The following ATP5F1D variants were observed in gnomAD, a reference collection of about 807,000 sequenced individuals.
ATP5F1D encodes ATP synthase F1 subunit delta, also known as ATP synthase F(1) complex subunit delta, mitochondrial.
Under a neutral mutation model 13.0 loss-of-function variants are expected in ATP5F1D, and 16 were observed. The ratio of observed to expected loss-of-function variants is 1.23; its 90% confidence interval spans 0.83 to 1.87. The LOEUF is 1.87. Among genes scored for constraint, ATP5F1D ranks in the 40% most tolerant of loss-of-function variants. ATP5F1D has a pLI of 0.00. For missense variants in ATP5F1D, 294 were observed against 246.2 expected (o/e 1.19, Z -1.30); for synonymous variants, 129 against 116.2 (o/e 1.11, Z -0.71).
At chr19:1,242,318 T>C in intron 1 of ATP5F1D, 138 bp from the exon 2 acceptor site, 2 of 1,107,668 alleles carry the variant, frequency 1.8e-6, no homozygotes, top group Non-Finnish European at 2.4e-6. Flanking sequence ...CAACTTCGGA[T>C]CCCTGCGCTG....
intron 2 of ATP5F1D, 65 bp downstream of exon 2, chr19:1,242,674 G>A (rs983488265): frequency 1.4e-6 from 2 of 1,405,904 alleles, no homozygotes; most frequent in African/African-American, 3.0e-5. Flanking sequence ...GTCAGTCTCC[G>A]TCTCAGTTGA....
At chr19:1,244,075 TC>T in intron 2 of ATP5F1D, 21 bp from the exon 3 acceptor site, 2 of 1,598,026 alleles carry the variant, frequency 1.3e-6, no homozygotes, top group Non-Finnish European at 8.5e-7. Context: ...TCTCACGCCT[TC>T]CCCCCGCCCC....
intron 1 of ATP5F1D, 193 bp downstream of exon 1, chr19:1,242,184 C>G: frequency 2.4e-6 from 2 of 847,790 alleles, no homozygotes; most frequent in East Asian, 6.7e-5. Context: ...GGCACCTCCC[C>G]GAGATAAGCG....
At position 1,244,176 on chromosome 19, in the gene ATP5F1D, G is replaced by T; in HGVS notation, c.375G>T (p.Leu125Phe). The change falls in exon 3 of 4, where the codon TTG becomes TTT. Residue 125 changes from leucine (L) to phenylalanine (F), a missense_variant. Physicochemically the swap from Leu to Phe is conservative, Grantham distance 22 (BLOSUM62 0). Transcript: ENST00000215375. ...LAEEAVTLDM[L>F]DLGAAKANLE... ...AAGAGGCCGTGACGCTGGACATGTT[G>T]GACCTGGGGGTGAGTGTCAGAGGGG... 1 of 1,611,428 alleles carries T rather than the reference G, an allele frequency of 6.2e-7. No individual in the cohort carries two copies. The highest frequency in any genetic ancestry group is 2.2e-5 in the East Asian group (1 of 44,780).
chr19:1,244,554 A>T lies in ATP5F1D; in HGVS notation c.*117A>T, dbSNP rs1379952422. ...GGAAGCCGCGCCTGCCAAGGAGGCC[A>T]CCAGAGGGCAGTGCAGGCTTCTGCC... On this transcript the variant is annotated 3_prime_UTR_variant, in exon 4 of 4. Coordinates refer to ENST00000215375, the MANE Select transcript of ATP5F1D (RefSeq NM_001687.5). 2.8e-6 allele frequency: 4 copies of T among 1,439,512 alleles called. No individual in the cohort carries two copies. In the Admixed American group the frequency reaches 9.5e-5, roughly 34 times the overall value. 89.2% of individuals were successfully genotyped at this position (1,439,512 alleles called of 1,614,324 possible).
chr19:1,243,676 C>T (rs1300888360), intron 2 of ATP5F1D, among the ~76,000 whole-genome samples: 1 of 152,146 alleles, frequency 6.6e-6, no homozygotes, highest in East Asian at 1.9e-4. Context: ...CCTCAAAAAA[C>T]CATGTTGGGA....
In ATP5F1D at chr19:1,244,611, C is replaced by T. The variant is rs1063633; in HGVS notation, c.*174C>T. 9.6e-7 allele frequency: 1 copy of T among 1,044,562 alleles called. No individual in the cohort carries two copies. Among genetic ancestry groups the T allele is most frequent in the Non-Finnish European group, 1.4e-6 (1 of 734,884 alleles). 64.7% of individuals were successfully genotyped at this position (1,044,562 alleles called of 1,614,324 possible). A position where few individuals can be genotyped will look rare whatever the true frequency, so the allele number is the denominator to read the frequency against. On this transcript the variant is annotated 3_prime_UTR_variant, in exon 4 of 4. Coordinates refer to ENST00000215375, the MANE Select transcript of ATP5F1D (RefSeq NM_001687.5). ...CCAGGCCCTGCCTGTGTTGAAAGCT[C>T]TGGGGACTGGGCCAGGGAAGCTCCT...
chr19:1,242,236 G>A, intron 1 of ATP5F1D: 3 of 761,024 alleles, frequency 3.9e-6, no homozygotes, highest in Non-Finnish European at 5.6e-6. Context: ...CAAAGCCTGG[G>A]TGTCGCCGGA....
intron 2 of ATP5F1D, chr19:1,243,327 TGGCAACATA>T (rs2081047024): frequency 6.6e-6 from 1 of 151,906 alleles, no homozygotes; most frequent in Non-Finnish European, 1.5e-5. Flanking sequence ...AGACTAGCCT[TGGCAACATA>T]GTGAGACCCT....
rs12608755 is a variant in ATP5F1D, at chr19:1,242,575, G to C, written c.261G>C (p.Val87=). 7.3e-4 allele frequency: 1,127 copies of C among 1,542,418 alleles called. 13 individuals are homozygous for C. In the East Asian group the frequency reaches 0.019, roughly 26 times the overall value. ...TCCTGCGGCCGGGGCTGGTCGTGGT[G>C]CATGCAGAGGACGGCACCACCTCCA... ...LQVLRPGLVV[V]HAEDGTTSKY... The change falls in exon 2 of 4, where the codon GTG becomes GTC. Residue 87 remains valine (V), a synonymous_variant. Transcript: ENST00000215375.
At chr19:1,244,290 C>A in intron 3 of ATP5F1D, 25 bp from the exon 4 acceptor site, 1 of 1,584,388 alleles carries the variant, frequency 6.3e-7, no homozygotes, top group Non-Finnish European at 8.6e-7. Flanking sequence ...CTGCTGGCCC[C>A]TCACCGCCCC....
At position 1,241,896 on chromosome 19, in the gene ATP5F1D, G is replaced by A; in HGVS notation, c.46G>A (p.Val16Ile). The A allele has an allele frequency of 2.1e-6, 3 of 1,457,584 alleles. No individual in the cohort carries two copies. Among genetic ancestry groups the A allele is most frequent in the Non-Finnish European group, 1.8e-6 (2 of 1,107,682 alleles). 90.3% of individuals were successfully genotyped at this position (1,457,584 alleles called of 1,614,324 possible). The change falls in exon 1 of 4, where the codon GTC (valine) becomes ATC (isoleucine). Residue 16 changes from valine (V) to isoleucine (I), a missense_variant. Physicochemically the swap from Val to Ile is conservative, Grantham distance 29 (BLOSUM62 3). Coordinates refer to ENST00000215375, the MANE Select transcript of ATP5F1D (RefSeq NM_001687.5). ...CCGCCGCCCGGGACTTGGCCGCCTC[G>A]TCCGCCACGCCCGTGCCTATGCCGA... ...LLRRPGLGRL[V>I]RHARAYAEAA...
chr19:1,244,661 AC>A lies in ATP5F1D; in HGVS notation c.*227del. ...TCCTCAGCTTTGAGCTGTGGCTGCCACCCATGGGGCTCTCCTTCCGCCTCTC... is the reference window on the plus strand; with the variant it reads ...TCCTCAGCTTTGAGCTGTGGCTGCCACCATGGGGCTCTCCTTCCGCCTCTC... On this transcript the variant is annotated 3_prime_UTR_variant, in exon 4 of 4. Transcript: ENST00000215375. The A allele has an allele frequency of 1.5e-6, 1 of 648,340 alleles. No homozygotes were observed. The highest frequency in any genetic ancestry group is 2.5e-6 in the Non-Finnish European group (1 of 395,746). The allele number at this position is 648,340 out of a possible 1,614,324, so 40.2% of individuals were successfully genotyped here. A position where few individuals can be genotyped will look rare whatever the true frequency, so the allele number is the denominator to read the frequency against.
chr19:1,243,865 G>C lies in ATP5F1D; in HGVS notation c.296-232G>C, dbSNP rs562268664. On this transcript the variant is annotated intron_variant, in intron 2 of 3. Transcript: ENST00000215375. ...CTGTCCCCAGGCAGTGCTTTTGGGGGTTCCTCCAGCTTCTAGTCCTTTCTT... is the reference window on the plus strand; with the variant it reads ...CTGTCCCCAGGCAGTGCTTTTGGGGCTTCCTCCAGCTTCTAGTCCTTTCTT... Among the ~76,000 whole-genome samples, 25 of 152,334 alleles carry C rather than the reference G, an allele frequency of 1.6e-4. No individual in the cohort carries two copies. In the South Asian group the frequency reaches 4.8e-3, roughly 29 times the overall value.
In ATP5F1D at chr19:1,242,564, C is replaced by G. The variant is rs774424997; in HGVS notation, c.250C>G (p.Leu84Val). The G allele has an allele frequency of 1.3e-5, 20 of 1,545,440 alleles. No individual in the cohort carries two copies. Among genetic ancestry groups the G allele is most frequent in the Non-Finnish European group, 1.2e-5 (14 of 1,143,966 alleles). Residue 84 changes from leucine (L) to valine (V), a missense_variant, in exon 2 of 4, where the codon CTG (leucine) becomes GTG (valine). Transcript: ENST00000215375. ...CACGCTGCAGGTCCTGCGGCCGGGG[C>G]TGGTCGTGGTGCATGCAGAGGACGG... ...VPTLQVLRPG[L>V]VVVHAEDGTT...
In ATP5F1D at chr19:1,242,512, C is replaced by T; in HGVS notation, c.198C>T (p.Ala66=). The T allele has an allele frequency of 2.6e-6, 4 of 1,552,060 alleles. No homozygotes were observed. Among genetic ancestry groups the T allele is most frequent in the Non-Finnish European group, 2.6e-6 (3 of 1,148,262 alleles). ...TGGACGTGCCCACGCTGACCGGAGC[C>T]TTCGGCATCCTGGCGGCCCACGTGC... ...RQVDVPTLTG[A]FGILAAHVPT... is the part of the protein sequence containing the mutation. Residue 66 remains alanine, a synonymous_variant, in exon 2 of 4, where the codon GCC becomes GCT. Coordinates refer to ENST00000215375, the MANE Select transcript of ATP5F1D (RefSeq NM_001687.5).
chr19:1,242,786 T>A lies in ATP5F1D; in HGVS notation c.295+177T>A, dbSNP rs1322996168. On this transcript the variant is annotated intron_variant, in intron 2 of 3. Transcript: ENST00000215375. Reference sequence around the variant, plus strand: ...AGGTGGATCACCTGAGGTCAGAAGTTCGGAGACCAGCCTGGCCAACATGAT... The same window carrying A: ...AGGTGGATCACCTGAGGTCAGAAGTACGGAGACCAGCCTGGCCAACATGAT... 3 of 711,040 alleles carry A rather than the reference T, an allele frequency of 4.2e-6. No homozygotes were observed. In the African/African-American group the frequency reaches 5.6e-5, roughly 13 times the overall value. The allele number at this position is 711,040 out of a possible 1,614,324, so 44.0% of individuals were successfully genotyped here.
Position 1,244,620 on chromosome 19 carries a change from G to A in ATP5F1D, c.*183G>A. ...GCCTGTGTTGAAAGCTCTGGGGACT[G>A]GGCCAGGGAAGCTCCTCCTCAGCTT... is the stretch of plus-strand genomic sequence containing the variant. On this transcript the variant is annotated 3_prime_UTR_variant, in exon 4 of 4. Coordinates refer to ENST00000215375, the MANE Select transcript of ATP5F1D (RefSeq NM_001687.5). The A allele has an allele frequency of 6.1e-6, 6 of 980,148 alleles. No individual in the cohort carries two copies. Among genetic ancestry groups the A allele is most frequent in the Non-Finnish European group, 5.9e-6 (4 of 679,118 alleles). The allele number at this position is 980,148 out of a possible 1,614,324, so 60.7% of individuals were successfully genotyped here. A position where few individuals can be genotyped will look rare whatever the true frequency, so the allele number is the denominator to read the frequency against.
Position 1,244,684 on chromosome 19 carries a change from T to C in ATP5F1D, c.*247T>C. 1 of 557,890 alleles carries C rather than the reference T, an allele frequency of 1.8e-6. No homozygotes were observed. Among genetic ancestry groups the C allele is most frequent in the Admixed American group, 3.5e-5 (1 of 28,598 alleles). 34.6% of individuals were successfully genotyped at this position (557,890 alleles called of 1,614,324 possible). On this transcript the variant is annotated 3_prime_UTR_variant, in exon 4 of 4. Coordinates refer to ENST00000215375, the MANE Select transcript of ATP5F1D (RefSeq NM_001687.5). Reference sequence around the variant, plus strand: ...CCACCCATGGGGCTCTCCTTCCGCCTCTCAAGATCCCCCCAGCCTGACGGG... The same window carrying C: ...CCACCCATGGGGCTCTCCTTCCGCCCCTCAAGATCCCCCCAGCCTGACGGG...
Sources: allele counts gnomAD v4.1 joint callset (sites outside exome capture counted in the v4.1 genomes callset), GRCh38; gene constraint gnomAD v4.1.1; transcripts MANE v1.5; gene names NCBI Gene and HGNC (gene_info 2026-07-23, HGNC 2026-07-21).